Variants in DIP2B observed in about 807,000 individuals in gnomAD.
DIP2B encodes the protein disco-interacting protein 2 homolog B.
DIP2B carries 76 observed loss-of-function variants against 198.0 expected under a neutral mutation model. That is an observed-to-expected ratio of 0.38 (90% CI 0.32 to 0.46). The LOEUF is 0.46. Among genes scored for constraint, DIP2B ranks in the 20% least tolerant of loss-of-function variants. The probability of loss-of-function intolerance (pLI) is 0.99; values close to 1 mark genes in which losing one functional copy is unlikely to be tolerated. For synonymous variants in DIP2B, 701 were observed against 739.1 expected, an observed-to-expected ratio of 0.95 and a Z score of 0.84; for missense variants, 1,559 against 1,978.4, an observed-to-expected ratio of 0.79 and a Z score of 4.02.
intron 1 of DIP2B, among the ~76,000 whole-genome samples, chr12:50,542,231 A>G (rs1449041655): frequency 4.7e-5 from 7 of 148,808 alleles, no homozygotes; most frequent in Non-Finnish European, 1.0e-4. Flanking sequence ...CCTGGGTGAC[A>G]GAGTGAGACT....
chr12:50,650,663 A>G (rs969463674), intron 3 of DIP2B, among the ~76,000 whole-genome samples: 1 of 152,162 alleles, frequency 6.6e-6, no homozygotes, highest in Non-Finnish European at 1.5e-5. Context: ...AGACTGAATA[A>G]TATTTCCTTG....
At chr12:50,602,180 G>A (rs1417865759) in intron 1 of DIP2B, among the ~76,000 whole-genome samples, 5 of 152,156 alleles carry the variant, frequency 3.3e-5, no homozygotes, top group Non-Finnish European at 7.3e-5. Context: ...ATGTAGCAGG[G>A]CCTTGCACAC....
intron 1 of DIP2B, among the ~76,000 whole-genome samples, chr12:50,595,905 C>A (rs1958874722): frequency 6.6e-6 from 1 of 152,158 alleles, no homozygotes; most frequent in Non-Finnish European, 1.5e-5. Flanking sequence ...CTCAGTCTTG[C>A]CTTATCACCC....
chr12:50,682,400 C>G (rs1475040588), intron 9 of DIP2B, among the ~76,000 whole-genome samples: 2 of 152,042 alleles, frequency 1.3e-5, no homozygotes. Context: ...CCAAGGCAGG[C>G]AGATCACGAG....
intron 2 of DIP2B, among the ~76,000 whole-genome samples, chr12:50,632,297 T>C (rs899040271): frequency 6.6e-5 from 10 of 151,862 alleles, no homozygotes; most frequent in Admixed American, 4.6e-4. Context: ...CTGACCAACA[T>C]GGAGAAACCC....
chr12:50,598,402 A>G (rs550105063), intron 1 of DIP2B, among the ~76,000 whole-genome samples: 1 of 151,992 alleles, frequency 6.6e-6, no homozygotes, highest in South Asian at 2.1e-4. Context: ...TTCCTCCCTC[A>G]CACTACCCTC....
At chr12:50,710,466 C>T (rs1056415840) in intron 22 of DIP2B, among the ~76,000 whole-genome samples, 24 of 151,926 alleles carry the variant, frequency 1.6e-4, no homozygotes, top group African/African-American at 5.6e-4. Flanking sequence ...TCCTGTTGCC[C>T]AGGGTAGAGT....
intron 22 of DIP2B, among the ~76,000 whole-genome samples, chr12:50,709,173 T>C (rs1220981840): frequency 6.6e-6 from 1 of 152,228 alleles, no homozygotes; most frequent in Non-Finnish European, 1.5e-5. Context: ...TCATTTAACC[T>C]CACTGAGTTT....
intron 1 of DIP2B, among the ~76,000 whole-genome samples, chr12:50,552,512 C>T (rs4768889): frequency 0.25 from 37,281 of 151,894 alleles, 5,375 homozygotes; most frequent in East Asian, 0.39. Flanking sequence ...GTGATCCACC[C>T]GCCTCGGCCT....
intron 1 of DIP2B, among the ~76,000 whole-genome samples, chr12:50,566,991 A>AC (rs1958570508): frequency 6.6e-6 from 1 of 150,798 alleles, no homozygotes; most frequent in East Asian, 1.9e-4. Flanking sequence ...AAAAAAAAAA[A>AC]AGAAAGAAAG....
chr12:50,539,712 A>G (rs567789906), intron 1 of DIP2B, among the ~76,000 whole-genome samples: 7 of 152,194 alleles, frequency 4.6e-5, no homozygotes, highest in African/African-American at 1.7e-4. Context: ...AAAGCTTAAA[A>G]CACCTCTGAA....
rs76182425 is a variant in DIP2B, at chr12:50,557,589, C to T, written c.100+52349C>T. Among the ~76,000 whole-genome samples the T allele has an allele frequency of 9.6e-3, 1,465 of 152,318 alleles. 15 individuals are homozygous for T. Among genetic ancestry groups the T allele is most frequent in the Middle Eastern group, 0.065 (19 of 294 alleles). On this transcript the variant is annotated intron_variant, in intron 1 of 37. Coordinates refer to ENST00000301180, the MANE Select transcript of DIP2B (RefSeq NM_173602.3). ...ATGATGGTGGCTGCCACCTGCTGAA[C>T]TGTGGCTAATGGGCTGCTGGGTGGG...
At chr12:50,677,218 CTGCTCATGTTG>C (rs1190057095) in intron 7 of DIP2B, among the ~76,000 whole-genome samples, 13 of 152,210 alleles carry the variant, frequency 8.5e-5, no homozygotes, top group African/African-American at 2.9e-4. Context: ...TTCTCACGCA[CTGCTCATGTTG>C]TCCTAGCCTT....
intron 1 of DIP2B, among the ~76,000 whole-genome samples, chr12:50,540,580 G>A (rs111859604): frequency 0.3 from 39,831 of 133,648 alleles, 6,165 homozygotes; most frequent in Middle Eastern, 0.39. Flanking sequence ...ATGGAGTCTC[G>A]CTCTGTCACC....
At chr12:50,574,815 G>A (rs1454794960) in intron 1 of DIP2B, among the ~76,000 whole-genome samples, 1 of 152,176 alleles carries the variant, frequency 6.6e-6, no homozygotes, top group Non-Finnish European at 1.5e-5. Flanking sequence ...GCAAACCTTT[G>A]TTTTAGGGAA....
chr12:50,732,352 A>G lies in DIP2B; in HGVS notation c.3811-14A>G. 6.2e-7 allele frequency: 1 copy of G among 1,613,918 alleles called. No individual in the cohort carries two copies. Among genetic ancestry groups the G allele is most frequent in the Non-Finnish European group, 8.5e-7 (1 of 1,179,846 alleles). On this transcript the variant is annotated splice_polypyrimidine_tract_variant and intron_variant, in intron 31 of 37. Coordinates refer to ENST00000301180, the MANE Select transcript of DIP2B (RefSeq NM_173602.3). ...ATCCTACTGACTTGGCTCCCATATAATGGTGTCTTGCAGACCAGAGGGATC... is the reference window on the plus strand; with the variant it reads ...ATCCTACTGACTTGGCTCCCATATAGTGGTGTCTTGCAGACCAGAGGGATC...
chr12:50,574,357 A>G (rs1958640092), intron 1 of DIP2B, among the ~76,000 whole-genome samples: 1 of 152,200 alleles, frequency 6.6e-6, no homozygotes, highest in Admixed American at 6.5e-5. Flanking sequence ...GAGGGCCATA[A>G]TATTGCTTTT....
At chr12:50,625,861 A>G (rs200895813) in intron 1 of DIP2B, 115 bp from the exon 2 acceptor site, 4 of 1,081,030 alleles carry the variant, frequency 3.7e-6, no homozygotes, top group South Asian at 1.4e-5. Flanking sequence ...CCCCCCCCCA[A>G]CCCCCTGCCT....
At chr12:50,739,039 T>C (rs1352758734) in intron 35 of DIP2B, among the ~76,000 whole-genome samples, 1 of 152,206 alleles carries the variant, frequency 6.6e-6, no homozygotes, top group Non-Finnish European at 1.5e-5. Context: ...CGTGGGACTC[T>C]GGAGGAGAGT....
Sources: allele counts gnomAD v4.1 joint callset (sites outside exome capture counted in the v4.1 genomes callset), GRCh38; gene constraint gnomAD v4.1.1; transcripts MANE v1.5; gene names NCBI Gene and HGNC (gene_info 2026-07-23, HGNC 2026-07-21).